KIF16B: variants seen among roughly 807,000 people sequenced by gnomAD.
KIF16B encodes kinesin-like protein KIF16B.
In KIF16B, 98 loss-of-function variants were observed where a neutral mutation model predicts 156.3. The ratio of observed to expected loss-of-function variants is 0.63; its 90% CI spans 0.53 to 0.74. The LOEUF (loss-of-function observed/expected upper bound fraction) is 0.74, where lower values mean the gene tolerates loss of function less well. KIF16B is among the 30% of genes least tolerant of loss of function. The probability of loss-of-function intolerance (pLI) is 0.00; values close to 1 mark genes in which losing one functional copy is unlikely to be tolerated. For synonymous variants in KIF16B, 564 were observed against 583.7 expected, an observed-to-expected ratio of 0.97 and a Z score of 0.49; for missense variants, 1,421 against 1,606.5, an observed-to-expected ratio of 0.88 and a Z score of 1.97.
chr20:16,507,348 C>T (rs998984622), intron 7 of KIF16B, among the ~76,000 whole-genome samples: 8 of 152,116 alleles, frequency 5.3e-5, no homozygotes, highest in African/African-American at 1.4e-4. Flanking sequence ...ATAAGGACAT[C>T]CCCAAGCTCC....
At chr20:16,516,993 G>A (rs1163566684) in intron 3 of KIF16B, among the ~76,000 whole-genome samples, 1 of 152,180 alleles carries the variant, frequency 6.6e-6, no homozygotes, top group African/African-American at 2.4e-5. Flanking sequence ...ATTAGGATGT[G>A]CACATGGCCC....
intron 10 of KIF16B, 150 bp from the exon 11 acceptor site, chr20:16,497,828 AC>A (rs1278881056): frequency 3.3e-6 from 2 of 601,732 alleles, no homozygotes; most frequent in Non-Finnish European, 3.0e-6. Context: ...GTTGAATATC[AC>A]CAAGTCTTTA....
intron 15 of KIF16B, among the ~76,000 whole-genome samples, chr20:16,418,423 T>C (rs2066143991): frequency 6.6e-6 from 1 of 152,114 alleles, no homozygotes; most frequent in Admixed American, 6.5e-5. Context: ...CATGCTTTCT[T>C]ATACTCCCTC....
Position 16,532,777 on chromosome 20 carries a change from T to C in KIF16B, c.48-4337A>G, listed in dbSNP as rs112240396. On this transcript the variant is annotated intron_variant, in intron 1 of 25. Transcript: ENST00000354981. The stretch of plus-strand genomic sequence containing the variant: ...AAAATTATCCAGCTACATAGAAATA[T>C]TAGAAGTGATCGTGGTAATGCTCAC... Among the ~76,000 whole-genome samples the C allele has an allele frequency of 8.2e-3, 1,248 of 152,314 alleles. 23 individuals are homozygous for C. Among genetic ancestry groups the C allele is most frequent in the African/African-American group, 0.029 (1,192 of 41,562 alleles).
At chr20:16,385,477 A>C (rs994800267) in intron 17 of KIF16B, among the ~76,000 whole-genome samples, 5 of 152,204 alleles carry the variant, frequency 3.3e-5, no homozygotes, top group African/African-American at 9.6e-5. Context: ...AGGTCTGAAT[A>C]CAAATTCTAG....
rs562800883 is a variant in KIF16B, at chr20:16,474,995, T to A, written c.1302+19296A>T. 3.9e-5 allele frequency among the ~76,000 whole-genome samples: 6 copies of A among 152,276 alleles called. No individual in the cohort carries two copies. In the East Asian group the frequency reaches 1.2e-3, roughly 29 times the overall value. ...GTCTTATTCATTTTCACACAACACC[T>A]CTCACCAAGCAAGTGTTCGATAAAA... On this transcript the variant is annotated intron_variant, in intron 12 of 25. Transcript: ENST00000354981.
At chr20:16,482,786 A>G (rs1268538878) in intron 12 of KIF16B, among the ~76,000 whole-genome samples, 1 of 152,174 alleles carries the variant, frequency 6.6e-6, no homozygotes, top group Non-Finnish European at 1.5e-5. Context: ...AATATATATG[A>G]CACTATAGTA....
chr20:16,421,823 T>C (rs139014854), intron 15 of KIF16B, among the ~76,000 whole-genome samples: 1,725 of 152,204 alleles, frequency 0.011, 34 homozygotes, highest in African/African-American at 0.04. Context: ...GAGAAAGCTG[T>C]TCAGTAGCAC....
intron 3 of KIF16B, 59 bp from the exon 4 acceptor site, chr20:16,515,723 C>G: frequency 1.1e-6 from 1 of 894,966 alleles, no homozygotes; most frequent in East Asian, 2.4e-5. Context: ...ATAATAGCCC[C>G]TTCAGTGTTG....
chr20:16,553,766 C>CGCTG (rs1336371974), intron 1 of KIF16B, among the ~76,000 whole-genome samples: 1 of 152,240 alleles, frequency 6.6e-6, no homozygotes, highest in Non-Finnish European at 1.5e-5. Context: ...GCTACCAAGA[C>CGCTG]GCTGGCTACA....
chr20:16,435,876 A>G (rs1032541042), intron 12 of KIF16B, among the ~76,000 whole-genome samples: 2 of 152,040 alleles, frequency 1.3e-5, no homozygotes, highest in African/African-American at 2.4e-5. Flanking sequence ...TCTTTATTCT[A>G]CAATCTTTCT....
chr20:16,291,538 TAAAAC>T (rs1272424329), intron 25 of KIF16B, among the ~76,000 whole-genome samples: 1 of 152,182 alleles, frequency 6.6e-6, no homozygotes, highest in Non-Finnish European at 1.5e-5. Flanking sequence ...ACACAGGAGT[TAAAAC>T]AAAGTACTGG....
chr20:16,439,383 C>T (rs74708830), intron 12 of KIF16B, among the ~76,000 whole-genome samples: 17,134 of 152,158 alleles, frequency 0.11, 1,165 homozygotes, highest in Non-Finnish European at 0.17. Flanking sequence ...TGGTTTCCCA[C>T]ACGTTTGGAA....
Position 16,374,321 on chromosome 20 carries a change from C to A in KIF16B, c.3286G>T (p.Val1096Leu). 1 of 1,605,380 alleles carries A rather than the reference C, an allele frequency of 6.2e-7. No homozygotes were observed. Reference sequence around the variant, plus strand: ...CTGACTGGCAAGCTGGAAGAAGCCACCTTCCCTTCCAGGGTCCCATGATGA... The same window carrying A: ...CTGACTGGCAAGCTGGAAGAAGCCAACTTCCCTTCCAGGGTCCCATGATGA... ...KDHHGTLEGK[V>L]ASSSLPVSAE... The change falls in exon 20 of 26, where the codon GTG (valine) becomes TTG (leucine). Residue 1096 changes from valine to leucine, a missense_variant. Coordinates refer to ENST00000354981, the MANE Select transcript of KIF16B (RefSeq NM_024704.5).
In KIF16B at chr20:16,356,462, G is replaced by T. The variant is rs781505075; in HGVS notation, c.3499-10C>A. The T allele has an allele frequency of 2.5e-6, 4 of 1,613,806 alleles. No homozygotes were observed. Among genetic ancestry groups the T allele is most frequent in the Non-Finnish European group, 2.5e-6 (3 of 1,179,834 alleles). ...AGCGAGAAACCATCCGCTATCAAAG[G>T]CATGTCAGACAGGGAGAACAAAGAG... On this transcript the variant is annotated splice_polypyrimidine_tract_variant and intron_variant, in intron 22 of 25. Transcript: ENST00000354981.
At chr20:16,360,433 T>C (rs1425147760) in intron 22 of KIF16B, among the ~76,000 whole-genome samples, 1 of 152,156 alleles carries the variant, frequency 6.6e-6, no homozygotes, top group Non-Finnish European at 1.5e-5. Context: ...TTTCCCTATA[T>C]GTGGCAAAAA....
intron 15 of KIF16B, among the ~76,000 whole-genome samples, chr20:16,425,948 G>T (rs2066339818): frequency 6.6e-6 from 1 of 152,148 alleles, no homozygotes; most frequent in Admixed American, 6.5e-5. Flanking sequence ...AAGGCAAAGA[G>T]GAAGCAAGGC....
intron 1 of KIF16B, among the ~76,000 whole-genome samples, chr20:16,571,479 C>G (rs2071448369): frequency 6.6e-6 from 1 of 152,220 alleles, no homozygotes; most frequent in Non-Finnish European, 1.5e-5. Flanking sequence ...AGGCACTGAA[C>G]TCACAGTTCC....
At chr20:16,309,486 T>A (rs2122685559) in intron 25 of KIF16B, among the ~76,000 whole-genome samples, 1 of 152,342 alleles carries the variant, frequency 6.6e-6, no homozygotes, top group South Asian at 2.1e-4. Context: ...TTTCTGTTCC[T>A]ATCCATCATT....
Sources: allele counts gnomAD v4.1 joint callset (sites outside exome capture counted in the v4.1 genomes callset), GRCh38; gene constraint gnomAD v4.1.1; transcripts MANE v1.5; gene names NCBI Gene and HGNC (gene_info 2026-07-23, HGNC 2026-07-21).